UCHL5: variants seen among roughly 807,000 people sequenced by gnomAD.
The protein encoded by UCHL5 is ubiquitin C-terminal hydrolase L5.
In UCHL5, 34 loss-of-function variants were observed where a neutral mutation model predicts 53.8. The observed-to-expected ratio is 0.63, with a 90% CI of 0.48 to 0.84. The LOEUF is 0.84. Among genes scored for constraint, UCHL5 ranks in the 40% least tolerant of loss-of-function variants. The pLI, the probability that UCHL5 is intolerant of heterozygous loss-of-function variation, is 0.00. For synonymous variants in UCHL5, 111 were observed against 126.3 expected (o/e 0.88, Z 0.81); for missense variants, 290 against 385.6 (o/e 0.75, Z 2.08).
chr1:193,048,537 A>C (rs879583041), intron 3 of UCHL5, among the ~76,000 whole-genome samples: 7 of 152,222 alleles, frequency 4.6e-5, no homozygotes, highest in Non-Finnish European at 1.0e-4. Flanking sequence ...ATTACAACTA[A>C]CCTTTGAGAA....
At chr1:193,059,807 C>T (rs1436216433), upstream of UCHL5, 1 of 1,356,838 alleles carries the variant, frequency 7.4e-7, no homozygotes, top group Admixed American at 2.0e-5. This position sits in a 1 kb window ranked among gnomAD's most constrained non-coding sequence, Gnocchi z 4.9. Flanking sequence ...CGGCTGGGAG[C>T]CTTTTGTGCG....
chr1:193,053,199 T>C (rs1178880544), intron 1 of UCHL5, among the ~76,000 whole-genome samples: 1 of 152,186 alleles, frequency 6.6e-6, no homozygotes, highest in Non-Finnish European at 1.5e-5. Context: ...GGAAAAAACC[T>C]CATAAATGTA....
intron 1 of UCHL5, 115 bp from the exon 2 acceptor site, chr1:193,051,932 T>TA (rs1186056493): frequency 1.2e-4 from 83 of 702,948 alleles, no homozygotes; most frequent in Middle Eastern, 2.7e-4. Flanking sequence ...ATGGTAAAAC[T>TA]AATAAAGCTC....
At chr1:193,022,035 G>T (rs1040574026) in intron 9 of UCHL5, among the ~76,000 whole-genome samples, 1 of 152,030 alleles carries the variant, frequency 6.6e-6, no homozygotes, top group African/African-American at 2.4e-5. Flanking sequence ...ATAAAGATGG[G>T]TAATTTACTT....
chr1:193,020,260 A>C (rs1656464418), intron 10 of UCHL5: 1 of 1,517,578 alleles, frequency 6.6e-7, no homozygotes, highest in East Asian at 2.5e-5. Flanking sequence ...GGTTGAAATC[A>C]ATCTTTGCTT....
chr1:193,057,968 GC>G (rs1671206154), intron 1 of UCHL5, among the ~76,000 whole-genome samples: 1 of 152,104 alleles, frequency 6.6e-6, no homozygotes, highest in Admixed American at 6.5e-5. Flanking sequence ...CGTGGCTCAC[GC>G]CTGTAATCCC....
intron 2 of UCHL5, among the ~76,000 whole-genome samples, chr1:193,050,586 A>G (rs1668695956): frequency 6.6e-6 from 1 of 152,004 alleles, no homozygotes; most frequent in South Asian, 2.1e-4. Flanking sequence ...AACAAAAACA[A>G]AACAAAAAAA....
At chr1:193,051,674 TAAAC>T (rs1669100286) in intron 2 of UCHL5, 76 bp downstream of exon 2, 4 of 867,232 alleles carry the variant, frequency 4.6e-6, no homozygotes, top group Non-Finnish European at 6.9e-6. Flanking sequence ...CCAAGTAAAA[TAAAC>T]AAACAAATCT....
chr1:193,039,933 T>C (rs1664953709), intron 3 of UCHL5, among the ~76,000 whole-genome samples: 1 of 152,118 alleles, frequency 6.6e-6, no homozygotes, highest in Non-Finnish European at 1.5e-5. Flanking sequence ...CTGGGAAAAC[T>C]GGATAACCAT....
rs1167267772 is a variant in UCHL5 at position 193,013,900 on chromosome 1, CT to C, written c.*2450del. The C allele has an allele frequency of 1.3e-5, 2 of 152,144 alleles. No homozygotes were observed. The allele number at this position is 152,144 out of a possible 1,614,324, so 9.4% of individuals were successfully genotyped here. ...TGCTGTTCGGAAAAGGGCAAGCTAT[CT>C]TGGGAACTAAACATATAAGGTGAGA... On this transcript the variant is annotated 3_prime_UTR_variant, in exon 11 of 11. Coordinates refer to ENST00000367454, the MANE Select transcript of UCHL5 (RefSeq NM_001199261.3).
At chr1:193,016,493 C>A in intron 10 of UCHL5, 98 bp from the exon 11 acceptor site, 1 of 1,093,678 alleles carries the variant, frequency 9.1e-7, no homozygotes, top group Admixed American at 2.6e-5. Context: ...AGCTGAAAGG[C>A]TTGAAATACA....
chr1:193,059,420 G>A, upstream of UCHL5: 2 of 1,610,686 alleles, frequency 1.2e-6, no homozygotes, highest in Non-Finnish European at 8.5e-7. The surrounding 1 kb of genome is among the most constrained non-coding windows in gnomAD (Gnocchi z 4.9). Context: ...CACCTGCAGC[G>A]CGACTGAGCG....
chr1:193,049,206 G>A (rs960622181), intron 3 of UCHL5, among the ~76,000 whole-genome samples: 1 of 152,292 alleles, frequency 6.6e-6, no homozygotes. Context: ...TGAGAGGTCA[G>A]GAGTTTGAGA....
At chr1:193,032,006 C>T (rs1309885046) in intron 3 of UCHL5, among the ~76,000 whole-genome samples, 2 of 152,120 alleles carry the variant, frequency 1.3e-5, no homozygotes, top group African/African-American at 4.8e-5. Flanking sequence ...TGACCCAGAA[C>T]CTTAAGAGTT....
intron 7 of UCHL5, 89 bp from the exon 8 acceptor site, chr1:193,024,035 T>C: frequency 5.3e-6 from 5 of 944,366 alleles, no homozygotes; most frequent in Non-Finnish European, 7.6e-6. Flanking sequence ...CCCTCTTGAT[T>C]TTCTAGTATA....
At chr1:193,020,352 T>C in intron 10 of UCHL5, 1 of 1,548,252 alleles carries the variant, frequency 6.5e-7, no homozygotes, top group Non-Finnish European at 8.7e-7. Flanking sequence ...TTTATTTGCC[T>C]AGTAGTGTCT....
chr1:193,023,267 T>C (rs1196608702), intron 8 of UCHL5, among the ~76,000 whole-genome samples: 1 of 152,178 alleles, frequency 6.6e-6, no homozygotes. Context: ...TACGCTGTAA[T>C]ATACTCTATT....
chr1:193,053,796 G>T (rs754840317), intron 1 of UCHL5, among the ~76,000 whole-genome samples: 6 of 152,120 alleles, frequency 3.9e-5, no homozygotes, highest in Non-Finnish European at 7.4e-5. Context: ...GTTTTAAAAT[G>T]GTATTTACCA....
At chr1:193,034,602 G>A (rs1345390199) in intron 3 of UCHL5, among the ~76,000 whole-genome samples, 1 of 151,968 alleles carries the variant, frequency 6.6e-6, no homozygotes, top group Non-Finnish European at 1.5e-5. Context: ...CATGAAGCCA[G>A]AATAACCTTA....
Sources: gnomAD v4.1 joint callset for allele counts (sites outside exome capture counted in the v4.1 genomes callset) on GRCh38, gnomAD v4.1.1 for gene constraint, Gnocchi (gnomAD v3.1) non-coding constraint, MANE v1.5 for transcripts, NCBI Gene and HGNC (gene_info 2026-07-23, HGNC 2026-07-21) for gene names.